The following ATP2C2 variants were observed in gnomAD, a reference collection of about 807,000 sequenced individuals.
The protein encoded by ATP2C2 is ATPase secretory pathway Ca2+ transporting 2.
Under a neutral mutation model 110.8 loss-of-function variants are expected in ATP2C2, and 171 were observed. That is an observed-to-expected ratio of 1.54 (90% CI 1.36 to 1.75). ATP2C2 has a LOEUF of 1.75. Among genes scored for constraint, ATP2C2 ranks in the 40% most tolerant of loss-of-function variants. The pLI is 0.00. For missense variants in ATP2C2, 1,963 were observed against 1,235.0 expected (o/e 1.59, Z -8.84); for synonymous variants, 804 against 508.4 (o/e 1.58, Z -7.82).
chr16:84,403,167 C>T (rs943605261), intron 2 of ATP2C2, among the ~76,000 whole-genome samples: 2 of 151,910 alleles, frequency 1.3e-5, no homozygotes, highest in African/African-American at 4.8e-5. Flanking sequence ...TTTGGTTCTT[C>T]TCTCTTTTTT....
intron 15 of ATP2C2, among the ~76,000 whole-genome samples, chr16:84,443,320 G>A (rs1394213317): frequency 2.0e-5 from 3 of 152,168 alleles, no homozygotes; most frequent in African/African-American, 7.2e-5. Context: ...CTTGGCCTGG[G>A]TCCCTCCTCT....
rs186420096 is a variant in ATP2C2, at chr16:84,411,201, G to A, written c.515+436G>A. 2.4e-3 allele frequency among the ~76,000 whole-genome samples: 359 copies of A among 152,256 alleles called. 3 individuals are homozygous for A. Among genetic ancestry groups the A allele is most frequent in the African/African-American group, 8.4e-3 (351 of 41,550 alleles). ...CATCAGAACATTGGCTGCAGCATAG[G>A]GTATAGGAAGAGTGAACTTGAGTAA... On this transcript the variant is annotated intron_variant, in intron 6 of 26. Transcript: ENST00000262429.
At chr16:84,460,633 T>C in intron 23 of ATP2C2, 21 bp from the exon 24 acceptor site, 1 of 1,614,126 alleles carries the variant, frequency 6.2e-7, no homozygotes, top group Non-Finnish European at 8.5e-7. Context: ...TTTCAAAGTG[T>C]CTGTGTCTTG....
chr16:84,370,525 C>T (rs1010250318), intron 1 of ATP2C2, among the ~76,000 whole-genome samples: 4 of 152,022 alleles, frequency 2.6e-5, no homozygotes, highest in Admixed American at 6.6e-5. Flanking sequence ...GGTGGCTGGG[C>T]GAGGCACTCA....
chr16:84,426,776 G>A (rs1330669281), intron 11 of ATP2C2, among the ~76,000 whole-genome samples: 1 of 152,176 alleles, frequency 6.6e-6, no homozygotes, highest in Non-Finnish European at 1.5e-5. Flanking sequence ...GGCAATGGAT[G>A]TAGAGCCCAA....
intron 18 of ATP2C2, among the ~76,000 whole-genome samples, chr16:84,452,907 T>C (rs528937393): frequency 9.8e-5 from 15 of 152,324 alleles, no homozygotes; most frequent in Middle Eastern, 6.8e-3. Context: ...ACCAGCTGTG[T>C]GTCCTCGGCA....
intron 21 of ATP2C2, among the ~76,000 whole-genome samples, chr16:84,455,695 C>T (rs536454766): frequency 6.6e-6 from 1 of 151,386 alleles, no homozygotes; most frequent in South Asian, 2.1e-4. Context: ...GTGGATCGTG[C>T]ACTTTACAAA....
intron 21 of ATP2C2, among the ~76,000 whole-genome samples, chr16:84,458,661 C>T (rs1193436356): frequency 6.6e-6 from 1 of 152,232 alleles, no homozygotes; most frequent in Non-Finnish European, 1.5e-5. Flanking sequence ...GAAGAGCCTT[C>T]TAAAGACAGA....
chr16:84,397,228 G>A (rs189339121), intron 1 of ATP2C2, among the ~76,000 whole-genome samples: 50 of 151,698 alleles, frequency 3.3e-4, no homozygotes, highest in Admixed American at 2.8e-3. Context: ...TTCCAGGCCC[G>A]CAGGTCTCAA....
intron 1 of ATP2C2, among the ~76,000 whole-genome samples, chr16:84,397,620 G>A (rs1449899127): frequency 8.1e-6 from 1 of 123,288 alleles, no homozygotes; most frequent in Admixed American, 1.1e-4. Context: ...GCTGCAGTGA[G>A]CTATGATTGC....
rs1041110948 is a variant in ATP2C2 at position 84,411,939 on chromosome 16, TTTTCTTTTC to T, written c.515+1191_515+1199del. Among the ~76,000 whole-genome samples the T allele has an allele frequency of 1.8e-3, 279 of 151,882 alleles. 1 individual carries two copies. Among genetic ancestry groups the T allele is most frequent in the African/African-American group, 3.5e-3 (147 of 41,448 alleles). On this transcript the variant is annotated intron_variant, in intron 6 of 26. Coordinates refer to ENST00000262429, the MANE Select transcript of ATP2C2 (RefSeq NM_014861.4). ...CTTTTTCTTTTCTTTCTTTCCTTTC[TTTTCTTTTC>T]TTTCTTTTCTTTCTTTCCTTTCTCT...
chr16:84,461,553 CCACTGACCTCA>C, intron 24 of ATP2C2, 150 bp from the exon 25 acceptor site: 1 of 710,392 alleles, frequency 1.4e-6, no homozygotes, highest in Admixed American at 2.0e-5. Flanking sequence ...GGGGTAGCAG[CCACTGACCTCA>C]CACCTGGAGG....
chr16:84,433,929 G>C (rs953620697), intron 11 of ATP2C2, among the ~76,000 whole-genome samples: 1 of 152,122 alleles, frequency 6.6e-6, no homozygotes, highest in Admixed American at 6.6e-5. Flanking sequence ...CATGCGAGTG[G>C]ACTTGCACGT....
intron 1 of ATP2C2, among the ~76,000 whole-genome samples, chr16:84,385,690 C>T (rs528559593): frequency 8.1e-4 from 123 of 152,262 alleles, no homozygotes; most frequent in African/African-American, 2.4e-3. Flanking sequence ...ACAGTCATGG[C>T]GGAAGGCACC....
At chr16:84,408,800 T>G (rs1906014340) in intron 4 of ATP2C2, among the ~76,000 whole-genome samples, 1 of 152,080 alleles carries the variant, frequency 6.6e-6, no homozygotes, top group South Asian at 2.1e-4. Context: ...TGTGCACATT[T>G]GCCTTCCGAA....
intron 9 of ATP2C2, 64 bp downstream of exon 9, chr16:84,422,761 T>G: frequency 6.7e-7 from 1 of 1,493,182 alleles, no homozygotes; most frequent in Non-Finnish European, 9.1e-7. Flanking sequence ...TATAGGCAAA[T>G]AATACCAGCC....
chr16:84,460,900 G>C (rs1365473515), intron 24 of ATP2C2, 99 bp downstream of exon 24: 6 of 1,444,380 alleles, frequency 4.2e-6, no homozygotes, highest in Non-Finnish European at 5.6e-6. Flanking sequence ...ACATCTGGGA[G>C]AGGCAAACAT....
intron 1 of ATP2C2, among the ~76,000 whole-genome samples, chr16:84,369,842 G>A (rs1013546724): frequency 2.0e-5 from 3 of 152,174 alleles, no homozygotes; most frequent in Non-Finnish European, 1.5e-5. Flanking sequence ...TAGGGTGGTA[G>A]GCCACAGGAC....
intron 1 of ATP2C2, among the ~76,000 whole-genome samples, chr16:84,394,818 C>G (rs565186542): frequency 6.6e-6 from 1 of 152,136 alleles, no homozygotes; most frequent in Non-Finnish European, 1.5e-5. Flanking sequence ...CTGCAAAATT[C>G]TCCTTTTTGC....
Sources: gnomAD v4.1 joint callset for allele counts (sites outside exome capture counted in the v4.1 genomes callset) on GRCh38, gnomAD v4.1.1 for gene constraint, MANE v1.5 for transcripts, NCBI Gene and HGNC (gene_info 2026-07-23, HGNC 2026-07-21) for gene names.